Variants in GRID1 observed in about 807,000 individuals in gnomAD.
The protein encoded by GRID1 is glutamate receptor ionotropic, delta-1.
In GRID1, 28 loss-of-function variants were observed where a neutral mutation model predicts 98.0. The ratio of observed to expected loss-of-function variants is 0.29; its 90% CI spans 0.21 to 0.39. GRID1 has a LOEUF of 0.39. Ranked by LOEUF, GRID1 falls within the 10% of genes least tolerant of loss-of-function variation. The probability of loss-of-function intolerance (pLI) is 1.00; values close to 1 mark genes in which losing one functional copy is unlikely to be tolerated. For missense variants in GRID1, 1,111 were observed against 1,340.5 expected (o/e 0.83, Z 2.67); for synonymous variants, 553 against 538.5 (o/e 1.03, Z -0.37).
At chr10:85,773,777 G>C (rs1330012082) in intron 8 of GRID1, among the ~76,000 whole-genome samples, 3 of 152,124 alleles carry the variant, frequency 2.0e-5, no homozygotes, top group African/African-American at 7.2e-5. Context: ...GGAACGTGAA[G>C]GACCTCTTCA....
At chr10:85,899,149 A>G (rs1357261938) in intron 5 of GRID1, among the ~76,000 whole-genome samples, 1 of 152,214 alleles carries the variant, frequency 6.6e-6, no homozygotes, top group Non-Finnish European at 1.5e-5. Context: ...ACAGAAGTGT[A>G]TAAGTGAGGT....
chr10:86,313,249 A>G (rs1847855936), intron 2 of GRID1, among the ~76,000 whole-genome samples: 1 of 152,202 alleles, frequency 6.6e-6, no homozygotes, highest in African/African-American at 2.4e-5. Flanking sequence ...AACAGCGATC[A>G]TTACCCAGCA....
chr10:85,958,524 G>A (rs1842223247), intron 4 of GRID1, among the ~76,000 whole-genome samples: 1 of 152,106 alleles, frequency 6.6e-6, no homozygotes, highest in South Asian at 2.1e-4. Context: ...CCAGACATTT[G>A]GCTGAATATT....
chr10:85,714,281 T>C (rs1489505556), intron 12 of GRID1, among the ~76,000 whole-genome samples: 25 of 151,884 alleles, frequency 1.6e-4, no homozygotes, highest in Admixed American at 1.6e-3. Context: ...GGAAGGAGCG[T>C]ATCAGAAAAA....
At chr10:85,752,288 A>T (rs752712987) in intron 8 of GRID1, among the ~76,000 whole-genome samples, 1 of 152,174 alleles carries the variant, frequency 6.6e-6, no homozygotes, top group Non-Finnish European at 1.5e-5. Context: ...CACAAGGTAA[A>T]ATTTGAGACA....
intron 5 of GRID1, among the ~76,000 whole-genome samples, chr10:85,886,445 T>C (rs1405696561): frequency 6.6e-6 from 1 of 152,198 alleles, no homozygotes; most frequent in Non-Finnish European, 1.5e-5. Flanking sequence ...CAAAACAACC[T>C]TACTGATTCA....
intron 4 of GRID1, among the ~76,000 whole-genome samples, chr10:86,066,620 G>A (rs1326288588): frequency 6.6e-6 from 1 of 152,188 alleles, no homozygotes; most frequent in Non-Finnish European, 1.5e-5. Flanking sequence ...CCCATCAGCT[G>A]CAAAACTGGG....
chr10:85,891,143 C>G (rs1841194808), intron 5 of GRID1, among the ~76,000 whole-genome samples: 1 of 152,174 alleles, frequency 6.6e-6, no homozygotes, highest in Admixed American at 6.5e-5. Context: ...ACAACTATCC[C>G]TACCACTAGG....
chr10:86,135,931 T>G (rs555992175), intron 4 of GRID1, among the ~76,000 whole-genome samples: 2 of 152,204 alleles, frequency 1.3e-5, no homozygotes, highest in African/African-American at 2.4e-5. Context: ...CCATAGCCCA[T>G]GCCAACTCCA....
intron 15 of GRID1, among the ~76,000 whole-genome samples, chr10:85,607,639 G>A (rs1414416334): frequency 7.2e-5 from 11 of 152,140 alleles, no homozygotes; most frequent in African/African-American, 2.2e-4. Flanking sequence ...CAATGAGAGC[G>A]AACCGACAAT....
chr10:86,031,607 T>C (rs1023153458), intron 4 of GRID1, among the ~76,000 whole-genome samples: 4 of 152,094 alleles, frequency 2.6e-5, no homozygotes, highest in South Asian at 4.2e-4. Flanking sequence ...CTGACCACTG[T>C]TTAGGTTTTC....
At chr10:86,240,586 G>A (rs1297036986) in intron 2 of GRID1, among the ~76,000 whole-genome samples, 1 of 151,804 alleles carries the variant, frequency 6.6e-6, no homozygotes, top group African/African-American at 2.4e-5. Context: ...TTGGGTGGGT[G>A]CGGCGGGGGC....
intron 8 of GRID1, among the ~76,000 whole-genome samples, chr10:85,820,032 AGGCAGGCAGGC>A (rs1564600220): frequency 1.5e-3 from 139 of 91,398 alleles, no homozygotes; most frequent in East Asian, 8.3e-3. Flanking sequence ...GAAGGAAGGC[AGGCAGGCAGGC>A]AGGCAGGCAG....
chr10:86,177,214 C>T (rs1341839949), intron 3 of GRID1, among the ~76,000 whole-genome samples: 2 of 152,092 alleles, frequency 1.3e-5, no homozygotes, highest in Non-Finnish European at 2.9e-5. Context: ...CTCCTGAGAA[C>T]TTACTTGCCT....
At chr10:86,153,126 C>T (rs1845193489) in intron 3 of GRID1, among the ~76,000 whole-genome samples, 1 of 152,118 alleles carries the variant, frequency 6.6e-6, no homozygotes, top group Non-Finnish European at 1.5e-5. Flanking sequence ...ACAGAGCTTC[C>T]CGTGCCTGAG....
intron 2 of GRID1, among the ~76,000 whole-genome samples, chr10:86,270,116 G>A (rs991967894): frequency 2.6e-5 from 4 of 152,184 alleles, no homozygotes; most frequent in African/African-American, 7.2e-5. Context: ...TTGGAAACAT[G>A]GAACATCTGC....
At chr10:85,860,980 G>A (rs1275367245) in intron 6 of GRID1, among the ~76,000 whole-genome samples, 1 of 152,166 alleles carries the variant, frequency 6.6e-6, no homozygotes, top group Admixed American at 6.5e-5. Context: ...TAAGATCTTT[G>A]CATGCATCTT....
intron 4 of GRID1, among the ~76,000 whole-genome samples, chr10:86,123,661 G>A (rs1844710778): frequency 6.6e-6 from 1 of 152,206 alleles, no homozygotes; most frequent in African/African-American, 2.4e-5. Flanking sequence ...TGTTATTGCT[G>A]TTGCTTTTGC....
intron 3 of GRID1, among the ~76,000 whole-genome samples, chr10:86,185,585 T>C (rs1002310893): frequency 2.6e-5 from 4 of 152,186 alleles, no homozygotes; most frequent in Admixed American, 2.6e-4. Context: ...CACTATTAAG[T>C]ATGATGTTCC....
Sources: gnomAD v4.1 joint callset for allele counts (sites outside exome capture counted in the v4.1 genomes callset) on GRCh38, gnomAD v4.1.1 for gene constraint, MANE v1.5 for transcripts, NCBI Gene and HGNC (gene_info 2026-07-23, HGNC 2026-07-21) for gene names.